FBLN1: variants seen among roughly 807,000 people sequenced by gnomAD.
The protein encoded by FBLN1 is fibulin-1.
In FBLN1, 34 loss-of-function variants were observed where a neutral mutation model predicts 89.7. The ratio of observed to expected loss-of-function variants is 0.38; its 90% confidence interval spans 0.29 to 0.50. FBLN1 has a LOEUF of 0.50. Ranked by LOEUF, FBLN1 falls within the 20% of genes least tolerant of loss-of-function variation. FBLN1 has a pLI of 0.92. For synonymous variants in FBLN1, 393 were observed against 391.3 expected, an observed-to-expected ratio of 1.00 and a Z score of -0.05; for missense variants, 777 against 988.1, an observed-to-expected ratio of 0.79 and a Z score of 2.86.
Position 45,541,099 on chromosome 22 carries a change from A to C in FBLN1, c.923-130A>C. ...GGAGGCGGCTGTGTGGTCCAGAGTG[A>C]GGGGGTTGAGCCCCTCCATTTGTGG... On this transcript the variant is annotated intron_variant, in intron 8 of 16. Coordinates refer to ENST00000327858, the MANE Select transcript of FBLN1 (RefSeq NM_006486.3). 4 of 1,181,490 alleles carry C rather than the reference A, an allele frequency of 3.4e-6. No individual in the cohort carries two copies. In the South Asian group the frequency reaches 3.7e-5, roughly 11 times the overall value. The allele number at this position is 1,181,490 out of a possible 1,614,324, so 73.2% of individuals were successfully genotyped here.
In FBLN1 at chr22:45,577,156, AC is replaced by A. The variant is rs761352211; in HGVS notation, c.1972+52del. The A allele has an allele frequency of 1.9e-6, 3 of 1,604,572 alleles. No individual in the cohort carries two copies. Among genetic ancestry groups the A allele is most frequent in the South Asian group, 1.1e-5 (1 of 90,730 alleles). On this transcript the variant is annotated intron_variant, in intron 16 of 16. Transcript: ENST00000327858. The surrounding 1 kb of genome is among the most constrained non-coding windows in gnomAD (Gnocchi z 6.6). ...TCTATCCAGGCACCCCTCCCCCTCC[AC>A]CCCGAAACCCTCTCTGGCCCAGCCC... is the stretch of plus-strand genomic sequence containing the variant.
chr22:45,515,476 A>AC (rs1168183633), intron 1 of FBLN1, among the ~76,000 whole-genome samples: 2 of 152,124 alleles, frequency 1.3e-5, no homozygotes, highest in Admixed American at 1.3e-4. Context: ...GGTTCACAGT[A>AC]CCCAGACTCC....
rs1881755466 is a variant in FBLN1 at position 45,556,506 on chromosome 22, T to C, written c.1697+5891T>C. 6.6e-6 allele frequency among the ~76,000 whole-genome samples: 1 copy of C among 152,092 alleles called. No homozygotes were observed. The highest frequency in any genetic ancestry group is 2.4e-5 in the African/African-American group (1 of 41,412). ...TTCATTCCTGAAGGGTCTGGGTCATTTGTAGTCCTGCCTGGATTGGGCTGT... is the reference window on the plus strand; with the variant it reads ...TTCATTCCTGAAGGGTCTGGGTCATCTGTAGTCCTGCCTGGATTGGGCTGT... On this transcript the variant is annotated intron_variant, in intron 14 of 16. Coordinates refer to ENST00000327858, the MANE Select transcript of FBLN1 (RefSeq NM_006486.3). The surrounding 1 kb of genome is among the most constrained non-coding windows in gnomAD (Gnocchi z 4.6).
intron 1 of FBLN1, among the ~76,000 whole-genome samples, chr22:45,508,286 C>CTTTT (rs1350335831): frequency 1.5e-5 from 2 of 129,132 alleles, no homozygotes; most frequent in South Asian, 2.5e-4. Context: ...CCTCGCGTAT[C>CTTTT]TTTTTTTTTG....
Position 45,563,006 on chromosome 22 carries a change from C to G in FBLN1, c.1698-11505C>G, listed in dbSNP as rs976274742. 3.7e-6 allele frequency: 6 copies of G among 1,613,696 alleles called. No homozygotes were observed. Among genetic ancestry groups the G allele is most frequent in the African/African-American group, 2.7e-5 (2 of 75,044 alleles). On this transcript the variant is annotated intron_variant, in intron 14 of 16. Coordinates refer to ENST00000327858, the MANE Select transcript of FBLN1 (RefSeq NM_006486.3). This position sits in a 1 kb window ranked among gnomAD's most constrained non-coding sequence, Gnocchi z 5.7. ...CCACCTCTCTTTCCCCACCAACATCCAAGCGCCCGCGGTGGTTTTCCGCAT... is the reference window on the plus strand; with the variant it reads ...CCACCTCTCTTTCCCCACCAACATCGAAGCGCCCGCGGTGGTTTTCCGCAT...
intron 2 of FBLN1, among the ~76,000 whole-genome samples, chr22:45,523,841 T>G (rs2088283819): frequency 6.6e-6 from 1 of 152,226 alleles, no homozygotes; most frequent in Non-Finnish European, 1.5e-5. Flanking sequence ...GATTATTCTA[T>G]TTTTAATTTT....
At position 45,525,643 on chromosome 22, in the gene FBLN1, G is replaced by A. The variant is rs199802935; in HGVS notation, c.286G>A (p.Gly96Ser). Residue 96 changes from glycine (G) to serine (S), a missense_variant, in exon 3 of 17, where the codon GGT (glycine) becomes AGT (serine). Coordinates refer to ENST00000327858, the MANE Select transcript of FBLN1 (RefSeq NM_006486.3). ...NEQDRCATPH[G>S]DNASLEATFV... ...GCAGGACCGCTGTGCCACGCCCCAC[G>A]GTGACAACGCCAGCCTGGAGGCCAC... 536 of 1,551,304 alleles carry A rather than the reference G, an allele frequency of 3.5e-4. 1 individual carries two copies. Among genetic ancestry groups the A allele is most frequent in the Middle Eastern group, 3.0e-3 (18 of 5,936 alleles).
In FBLN1 at chr22:45,574,686, C is replaced by A; in HGVS notation, c.1840+33C>A. The A allele has an allele frequency of 6.2e-7, 1 of 1,604,974 alleles. No homozygotes were observed. The highest frequency in any genetic ancestry group is 8.5e-7 in the Non-Finnish European group (1 of 1,175,988). ...GGATGGGTGTGGGGGTCCCAGGGCC[C>A]CCTAGGGCCTCCCTCGGCTTCAGCT... On this transcript the variant is annotated intron_variant, in intron 15 of 16. Coordinates refer to ENST00000327858, the MANE Select transcript of FBLN1 (RefSeq NM_006486.3). This position sits in a 1 kb window ranked among gnomAD's most constrained non-coding sequence, Gnocchi z 4.1.
At chr22:45,570,376 AAAAG>A (rs1180424298) in intron 14 of FBLN1, among the ~76,000 whole-genome samples, 28 of 150,824 alleles carry the variant, frequency 1.9e-4, no homozygotes, top group Admixed American at 3.3e-4. Context: ...GAAAAAGAAA[AAAAG>A]AAAGAAAGAA....
Position 45,590,134 on chromosome 22 carries a change from A to G in FBLN1, c.1973-10173A>G, listed in dbSNP as rs1272404901. ...ACAGCAAGTGCTCTGTGCTTGTCAG[A>G]TAGAGAAGAGAGGGCTCTGCTCTGA... On this transcript the variant is annotated intron_variant, in intron 16 of 16. Coordinates refer to ENST00000327858, the MANE Select transcript of FBLN1 (RefSeq NM_006486.3). This position sits in a 1 kb window ranked among gnomAD's most constrained non-coding sequence, Gnocchi z 4.1. 6.6e-6 allele frequency among the ~76,000 whole-genome samples: 1 copy of G among 152,204 alleles called. No homozygotes were observed. The highest frequency in any genetic ancestry group is 2.4e-5 in the African/African-American group (1 of 41,446).
At chr22:45,568,287 G>A (rs1455192419) in intron 14 of FBLN1, among the ~76,000 whole-genome samples, 1 of 152,234 alleles carries the variant, frequency 6.6e-6, no homozygotes, top group Non-Finnish European at 1.5e-5. Flanking sequence ...CATAGACTGG[G>A]TGGCTTAAAA....
intron 1 of FBLN1, chr22:45,503,283 A>G (rs2087972810): frequency 3.3e-6 from 1 of 300,516 alleles, no homozygotes; most frequent in South Asian, 1.6e-4. Flanking sequence ...TCAAAACCGG[A>G]TTCCCCCACC....
intron 14 of FBLN1, among the ~76,000 whole-genome samples, chr22:45,559,324 A>G (rs1009241580): frequency 6.6e-6 from 1 of 152,152 alleles, no homozygotes; most frequent in African/African-American, 2.4e-5. Flanking sequence ...GCACAGGCCA[A>G]ATGGGAGAGT....
chr22:45,543,281 A>G (rs2088581618), intron 10 of FBLN1, 120 bp from the exon 11 acceptor site: 1 of 1,299,904 alleles, frequency 7.7e-7, no homozygotes, highest in Non-Finnish European at 1.1e-6. Flanking sequence ...TGAAGGAAAA[A>G]AAAGAAATGA....
At chr22:45,539,548 C>T (rs1391637775) in intron 8 of FBLN1, among the ~76,000 whole-genome samples, 8 of 152,090 alleles carry the variant, frequency 5.3e-5, no homozygotes, top group Admixed American at 3.9e-4. Context: ...GGGCTTCCCA[C>T]GTGCCCTGGC....
Position 45,547,144 on chromosome 22 carries a change from T to A in FBLN1, c.1381T>A (p.Tyr461Asn). The part of the protein sequence containing the change: ...SQECANVYGS[Y>N]QCYCRRGYQL... ...GGAGTGTGCCAACGTCTACGGCTCCTACCAGTGTTACTGCCGGCGAGGCTA... is the reference window on the plus strand; with the variant it reads ...GGAGTGTGCCAACGTCTACGGCTCCAACCAGTGTTACTGCCGGCGAGGCTA... The change falls in exon 12 of 17, where the codon TAC (tyrosine) becomes AAC (asparagine). Residue 461 changes from tyrosine to asparagine, a missense_variant. Tyr to Asn is a moderately radical substitution (Grantham distance 143). Transcript: ENST00000327858. 6.2e-7 allele frequency: 1 copy of A among 1,614,100 alleles called. No homozygotes were observed. The highest frequency in any genetic ancestry group is 8.5e-7 in the Non-Finnish European group (1 of 1,180,020).
chr22:45,541,485 C>A, intron 9 of FBLN1, 113 bp downstream of exon 9: 2 of 1,326,996 alleles, frequency 1.5e-6, no homozygotes, highest in Admixed American at 1.9e-5. Flanking sequence ...TTTCTATCAG[C>A]CCATCCATCC....
At chr22:45,554,539 T>C (rs2088753388) in intron 14 of FBLN1, among the ~76,000 whole-genome samples, 1 of 152,254 alleles carries the variant, frequency 6.6e-6, no homozygotes, top group Non-Finnish European at 1.5e-5. Context: ...CAAGGCCTCC[T>C]GTCAGTCCTG....
At position 45,562,446 on chromosome 22, in the gene FBLN1, C is replaced by A. The variant is rs2088859367; in HGVS notation, c.1697+11831C>A. ...GTGGCAGTGATCACACTAGAGAGTG[C>A]ATGGTGAGGAAGAGCTGAGCACTTG... On this transcript the variant is annotated intron_variant, in intron 14 of 16. Transcript: ENST00000327858. The surrounding 1 kb of genome is among the most constrained non-coding windows in gnomAD (Gnocchi z 7.8). Among the ~76,000 whole-genome samples, 1 of 152,182 alleles carries A rather than the reference C, an allele frequency of 6.6e-6. No individual in the cohort carries two copies. The highest frequency in any genetic ancestry group is 2.1e-4 in the South Asian group (1 of 4,830).
Sources: gnomAD v4.1 joint callset for allele counts (sites outside exome capture counted in the v4.1 genomes callset) on GRCh38, gnomAD v4.1.1 for gene constraint, Gnocchi (gnomAD v3.1) non-coding constraint, MANE v1.5 for transcripts, NCBI Gene and HGNC (gene_info 2026-07-23, HGNC 2026-07-21) for gene names.